The following GSK3B variants were observed in gnomAD, a reference collection of about 807,000 sequenced individuals.
The protein encoded by GSK3B is glycogen synthase kinase-3 beta.
GSK3B carries 15 observed loss-of-function variants against 56.4 expected under a neutral mutation model. The ratio of observed to expected loss-of-function variants is 0.27; its 90% confidence interval spans 0.18 to 0.41. The LOEUF is 0.41. Ranked by LOEUF, GSK3B falls within the 10% of genes least tolerant of loss-of-function variation. The probability of loss-of-function intolerance (pLI) is 1.00; values close to 1 mark genes in which losing one functional copy is unlikely to be tolerated. For missense variants in GSK3B, 300 were observed against 513.4 expected (o/e 0.58, Z 4.02); for synonymous variants, 181 against 188.9 (o/e 0.96, Z 0.34).
At chr3:120,073,760 G>A (rs1017060691) in intron 1 of GSK3B, among the ~76,000 whole-genome samples, 2 of 152,150 alleles carry the variant, frequency 1.3e-5, no homozygotes, top group African/African-American at 4.8e-5. Context: ...GGCTGTGTAA[G>A]GCTCTGTAAG....
intron 1 of GSK3B, among the ~76,000 whole-genome samples, chr3:120,012,778 A>G (rs910367945): frequency 1.3e-5 from 2 of 152,144 alleles, no homozygotes; most frequent in African/African-American, 4.8e-5. Flanking sequence ...GGCTCAAGCA[A>G]TCCTCCTGCC....
At chr3:119,847,248 T>C (rs2055868249) in intron 9 of GSK3B, among the ~76,000 whole-genome samples, 1 of 152,032 alleles carries the variant, frequency 6.6e-6, no homozygotes, top group Non-Finnish European at 1.5e-5. Flanking sequence ...GTAACAAACC[T>C]GCACCTTCTC....
intron 2 of GSK3B, among the ~76,000 whole-genome samples, chr3:119,948,528 A>G (rs1253648200): frequency 2.6e-5 from 4 of 152,246 alleles, no homozygotes; most frequent in Non-Finnish European, 5.9e-5. Context: ...CCGAAAGTAA[A>G]CAGAAAATAA....
chr3:120,088,533 A>G (rs962903546), intron 1 of GSK3B, among the ~76,000 whole-genome samples: 4 of 152,194 alleles, frequency 2.6e-5, no homozygotes, highest in Admixed American at 2.6e-4. Flanking sequence ...ATAAAATGCC[A>G]AGAGTGCAAC....
In GSK3B at chr3:119,825,069, A is replaced by G. The variant is rs1238758155; in HGVS notation, c.*1719T>C. ...CTCTGCAGCCCTACAGTTACCAGCTAACCTTGGAAGGCATGTGGGGAAGGA... is the reference window on the plus strand; with the variant it reads ...CTCTGCAGCCCTACAGTTACCAGCTGACCTTGGAAGGCATGTGGGGAAGGA... On this transcript the variant is annotated 3_prime_UTR_variant, in exon 11 of 11. Coordinates refer to ENST00000264235, the MANE Select transcript of GSK3B (RefSeq NM_001146156.2). 5.1e-6 allele frequency: 1 copy of G among 195,902 alleles called. No homozygotes were observed. The highest frequency in any genetic ancestry group is 1.1e-5 in the Non-Finnish European group (1 of 94,364). The allele number at this position is 195,902 out of a possible 1,614,324, so 12.1% of individuals were successfully genotyped here.
In GSK3B at chr3:120,075,760, G is replaced by C. The variant is rs79783489; in HGVS notation, c.88+17587C>G. ...CACAAATAAATGGAAAGAATTCCAT[G>C]CTCATGGATCAAAAGAATATTGTTA... On this transcript the variant is annotated intron_variant, in intron 1 of 10. Transcript: ENST00000264235. Among the ~76,000 whole-genome samples, 282 of 152,232 alleles carry C rather than the reference G, an allele frequency of 1.9e-3. 6 individuals carry two copies. In the East Asian group the frequency reaches 0.05, roughly 27 times the overall value.
In GSK3B at chr3:119,928,618, A is replaced by AT. The variant is rs2056912073; in HGVS notation, c.367-5136_367-5135insA. On this transcript the variant is annotated intron_variant, in intron 3 of 10. Transcript: ENST00000264235. ...AGACTCCATATCAAAAAAATAAAAA[A>AT]AAAAAAAAAAAAAAAAAGAGGGAAA... 1.5e-4 allele frequency among the ~76,000 whole-genome samples: 22 copies of AT among 146,332 alleles called. No individual in the cohort carries two copies. In the South Asian group the frequency reaches 1.9e-3, roughly 13 times the overall value.
intron 7 of GSK3B, among the ~76,000 whole-genome samples, chr3:119,881,368 A>G (rs2056376784): frequency 6.6e-6 from 1 of 152,200 alleles, no homozygotes; most frequent in Non-Finnish European, 1.5e-5. Context: ...GGGGGCTGTG[A>G]CTGGGATGGG....
chr3:120,074,657 T>C (rs1164745520), intron 1 of GSK3B, among the ~76,000 whole-genome samples: 4 of 152,008 alleles, frequency 2.6e-5, no homozygotes, highest in Admixed American at 6.6e-5. Context: ...ACAAATGTGA[T>C]AACTTAGAAG....
chr3:119,959,849 G>A (rs564568826), intron 2 of GSK3B, among the ~76,000 whole-genome samples: 54 of 151,888 alleles, frequency 3.6e-4, no homozygotes, highest in Admixed American at 8.5e-4. Context: ...CACTGCGCCC[G>A]GCTTGACCTC....
chr3:120,085,883 T>C (rs1383302290), intron 1 of GSK3B, among the ~76,000 whole-genome samples: 1 of 152,112 alleles, frequency 6.6e-6, no homozygotes, highest in Non-Finnish European at 1.5e-5. Flanking sequence ...AAGATACCTT[T>C]CCTTGGAAAA....
chr3:120,007,359 G>A (rs1027936107), intron 1 of GSK3B, among the ~76,000 whole-genome samples: 1 of 152,120 alleles, frequency 6.6e-6, no homozygotes, highest in African/African-American at 2.4e-5. Context: ...CATTCCTTCT[G>A]AAACTGTTCC....
At chr3:119,936,337 A>T (rs199958180) in intron 3 of GSK3B, among the ~76,000 whole-genome samples, 3,193 of 139,052 alleles carry the variant, frequency 0.023, 121 homozygotes, top group African/African-American at 0.079. Flanking sequence ...ATATATAAAA[A>T]ATATATATAT....
At chr3:120,089,195 T>G (rs2058490568) in intron 1 of GSK3B, among the ~76,000 whole-genome samples, 1 of 152,238 alleles carries the variant, frequency 6.6e-6, no homozygotes, top group African/African-American at 2.4e-5. Flanking sequence ...TAAGGTGATT[T>G]GTGAATCACT....
chr3:119,844,637 T>C (rs948166682), intron 9 of GSK3B, among the ~76,000 whole-genome samples: 42 of 151,998 alleles, frequency 2.8e-4, no homozygotes, highest in Non-Finnish European at 5.4e-4. Context: ...CAAGAAGAAG[T>C]TGAATCTCTG....
chr3:119,951,422 T>C lies in GSK3B; in HGVS notation c.283-4071A>G, dbSNP rs1192742188. Among the ~76,000 whole-genome samples the C allele has an allele frequency of 2.0e-5, 3 of 152,018 alleles. No individual in the cohort carries two copies. In the East Asian group the frequency reaches 5.8e-4, roughly 29 times the overall value. Reference sequence around the variant, plus strand: ...CCCAGTCTCTACTAAAAATATAAAATTAGCCGGGCTTGGTGGCGCATGCCT... The same window carrying C: ...CCCAGTCTCTACTAAAAATATAAAACTAGCCGGGCTTGGTGGCGCATGCCT... On this transcript the variant is annotated intron_variant, in intron 2 of 10. Transcript: ENST00000264235.
At chr3:119,942,455 C>T (rs941101545) in intron 3 of GSK3B, among the ~76,000 whole-genome samples, 5 of 152,098 alleles carry the variant, frequency 3.3e-5, no homozygotes, top group Admixed American at 2.0e-4. Flanking sequence ...CCCACCACCA[C>T]ACCCAGATAA....
At chr3:119,998,274 T>C (rs1352211228) in intron 2 of GSK3B, among the ~76,000 whole-genome samples, 1 of 152,134 alleles carries the variant, frequency 6.6e-6, no homozygotes, top group South Asian at 2.1e-4. Context: ...GGGCTTACTG[T>C]TTTTCCAGTG....
chr3:119,963,606 G>C (rs1456558260), intron 2 of GSK3B, among the ~76,000 whole-genome samples: 1 of 111,784 alleles, frequency 8.9e-6, no homozygotes, highest in Admixed American at 1.2e-4. Flanking sequence ...CAACAGAGTA[G>C]AGACTGTCTT....
Sources: gnomAD v4.1 joint callset for allele counts (sites outside exome capture counted in the v4.1 genomes callset) on GRCh38, gnomAD v4.1.1 for gene constraint, MANE v1.5 for transcripts, NCBI Gene and HGNC (gene_info 2026-07-23, HGNC 2026-07-21) for gene names.